RABGAP1L: variants seen among roughly 807,000 people sequenced by gnomAD.
RABGAP1L encodes RAB GTPase activating protein 1 like.
A neutral mutation model predicts 137.7 loss-of-function variants in RABGAP1L; 63 were observed. That is an observed-to-expected ratio of 0.46 (90% CI 0.37 to 0.56). RABGAP1L has a LOEUF of 0.56. Ranked by LOEUF, RABGAP1L falls within the 20% of genes least tolerant of loss-of-function variation. The pLI, the probability that RABGAP1L is intolerant of heterozygous loss-of-function variation, is 0.00. For missense variants in RABGAP1L, 1,095 were observed against 1,244.0 expected (o/e 0.88, Z 1.80); for synonymous variants, 431 against 433.7 (o/e 0.99, Z 0.08).
intron 19 of RABGAP1L, among the ~76,000 whole-genome samples, chr1:174,929,078 G>T (rs760453347): frequency 6.6e-6 from 1 of 152,006 alleles, no homozygotes. Flanking sequence ...GGGTGGGGCT[G>T]GGGGGAGGGA....
chr1:174,224,645 A>T (rs1053782974), intron 3 of RABGAP1L, among the ~76,000 whole-genome samples: 5 of 152,030 alleles, frequency 3.3e-5, no homozygotes, highest in Non-Finnish European at 4.4e-5. Flanking sequence ...TGTCTGCAGG[A>T]TGTGTATTAA....
intron 19 of RABGAP1L, among the ~76,000 whole-genome samples, chr1:174,914,152 T>C (rs765420006): frequency 9.2e-5 from 14 of 152,174 alleles, no homozygotes; most frequent in Non-Finnish European, 1.9e-4. Flanking sequence ...GATTGCATTA[T>C]CCTAAAATCC....
intron 6 of RABGAP1L, 61 bp downstream of exon 6, chr1:174,250,693 T>C: frequency 6.8e-7 from 1 of 1,461,412 alleles, no homozygotes; most frequent in African/African-American, 1.4e-5. Flanking sequence ...TAGGCGCATA[T>C]AAAGTTTCAA....
chr1:174,729,291 T>G (rs1356725705), intron 17 of RABGAP1L, among the ~76,000 whole-genome samples: 1 of 152,194 alleles, frequency 6.6e-6, no homozygotes, highest in Admixed American at 6.5e-5. Flanking sequence ...AGAATGAAAC[T>G]GGACCCCTAC....
At chr1:174,599,333 T>C (rs1572456962) in intron 13 of RABGAP1L, among the ~76,000 whole-genome samples, 1 of 152,372 alleles carries the variant, frequency 6.6e-6, no homozygotes, top group East Asian at 1.9e-4. Flanking sequence ...TTGATAGTTT[T>C]ATCTTTTGAT....
chr1:174,640,987 T>A (rs1381569343), intron 14 of RABGAP1L, among the ~76,000 whole-genome samples: 1 of 30,254 alleles, frequency 3.3e-5, no homozygotes, highest in Non-Finnish European at 5.0e-5. Flanking sequence ...TTAAATATAA[T>A]TTTAGATTAT....
intron 18 of RABGAP1L, among the ~76,000 whole-genome samples, chr1:174,763,694 C>T (rs372433254): frequency 8.8e-6 from 1 of 113,196 alleles, no homozygotes; most frequent in Admixed American, 1.1e-4. Flanking sequence ...AAAAATTAGC[C>T]AGGCGTGGTG....
Position 174,699,628 on chromosome 1 carries a change from A to G in RABGAP1L, c.2003A>G (p.Tyr668Cys). 1 of 1,608,084 alleles carries G rather than the reference A, an allele frequency of 6.2e-7. No homozygotes were observed. Among genetic ancestry groups the G allele is most frequent in the Non-Finnish European group, 8.5e-7 (1 of 1,174,696 alleles). The part of the protein sequence containing the change: ...NNFEDLHCKF[Y>C]QLERLMQEQL... ...TTCGAAGATCTTCATTGCAAATTCT[A>G]CCAGTTGGAGAGACTAATGCAGGTA... is the stretch of plus-strand genomic sequence containing the variant. The change falls in exon 16 of 26, where the codon TAC becomes TGC. Residue 668 changes from tyrosine to cysteine, a missense_variant. Coordinates refer to ENST00000681986, the MANE Select transcript of RABGAP1L (RefSeq NM_001366446.1).
chr1:174,788,447 C>G (rs992878999), intron 18 of RABGAP1L, among the ~76,000 whole-genome samples: 3 of 152,180 alleles, frequency 2.0e-5, no homozygotes, highest in African/African-American at 7.2e-5. Flanking sequence ...CTTTGTGGTA[C>G]TTCTTATATT....
chr1:174,703,958 G>A (rs1175528826), intron 17 of RABGAP1L, among the ~76,000 whole-genome samples: 1 of 151,990 alleles, frequency 6.6e-6, no homozygotes, highest in Non-Finnish European at 1.5e-5. Context: ...TCATTGAGTT[G>A]TTTAAAGATT....
intron 13 of RABGAP1L, among the ~76,000 whole-genome samples, chr1:174,476,093 C>T (rs1340643123): frequency 6.6e-6 from 1 of 152,058 alleles, no homozygotes; most frequent in East Asian, 1.9e-4. Context: ...TTAATTCTTA[C>T]TTTTTCCATG....
intron 21 of RABGAP1L, among the ~76,000 whole-genome samples, chr1:174,975,541 T>C (rs1363088266): frequency 1.3e-5 from 2 of 152,184 alleles, no homozygotes; most frequent in African/African-American, 4.8e-5. Flanking sequence ...AGTGGCCATG[T>C]GGGCAGGTTT....
intron 10 of RABGAP1L, among the ~76,000 whole-genome samples, chr1:174,299,876 A>G (rs1023309331): frequency 1.4e-4 from 22 of 152,206 alleles, no homozygotes; most frequent in African/African-American, 5.1e-4. Flanking sequence ...AGCGACTGTT[A>G]AAGTTCTATA....
At position 174,776,522 on chromosome 1, in the gene RABGAP1L, GC is replaced by G. The variant is rs1202479510; in HGVS notation, c.2211+24170del. ...GATCAAACAAATGACTCTTTTTTAGGCCAATTTTGATTTCTTTTGGGAAATA... is the reference window on the plus strand; with the variant it reads ...GATCAAACAAATGACTCTTTTTTAGGCAATTTTGATTTCTTTTGGGAAATA... On this transcript the variant is annotated intron_variant, in intron 18 of 25. Coordinates refer to ENST00000681986, the MANE Select transcript of RABGAP1L (RefSeq NM_001366446.1). Among the ~76,000 whole-genome samples, 8 of 152,256 alleles carry G rather than the reference GC, an allele frequency of 5.3e-5. No homozygotes were observed. The South Asian group carries it at 1.0e-3, about 20-fold the overall frequency.
At chr1:174,937,288 T>A (rs1665002520) in intron 19 of RABGAP1L, among the ~76,000 whole-genome samples, 1 of 146,814 alleles carries the variant, frequency 6.8e-6, no homozygotes, top group African/African-American at 2.6e-5. Flanking sequence ...CAAGATTAAT[T>A]TTTTTTTCTT....
At chr1:174,455,672 C>A (rs1655963070) in intron 13 of RABGAP1L, among the ~76,000 whole-genome samples, 1 of 152,004 alleles carries the variant, frequency 6.6e-6, no homozygotes, top group Non-Finnish European at 1.5e-5. Flanking sequence ...GAAATAACAT[C>A]TTCACAATTA....
rs557296206 is a variant in RABGAP1L, at chr1:174,607,356, C to T, written c.1711-30019C>T. Reference sequence around the variant, plus strand: ...TTGCCAAAGTTGCCTTCAGTCTCTACGGGCAGTGGTCCTGTGGTGTTGCAA... The same window carrying T: ...TTGCCAAAGTTGCCTTCAGTCTCTATGGGCAGTGGTCCTGTGGTGTTGCAA... On this transcript the variant is annotated intron_variant, in intron 13 of 25. Coordinates refer to ENST00000681986, the MANE Select transcript of RABGAP1L (RefSeq NM_001366446.1). 1.9e-4 allele frequency among the ~76,000 whole-genome samples: 29 copies of T among 152,264 alleles called. No homozygotes were observed. In the South Asian group the frequency reaches 4.1e-3, roughly 22 times the overall value.
intron 13 of RABGAP1L, among the ~76,000 whole-genome samples, chr1:174,578,183 GT>G (rs1329596564): frequency 2.6e-5 from 4 of 151,994 alleles, no homozygotes; most frequent in African/African-American, 4.8e-5. Flanking sequence ...GTGAAACTAG[GT>G]TTTTTTCTTT....
chr1:174,667,896 A>T (rs903332178), intron 14 of RABGAP1L, among the ~76,000 whole-genome samples: 2 of 152,158 alleles, frequency 1.3e-5, no homozygotes, highest in African/African-American at 4.8e-5. Context: ...ATGCCTTACT[A>T]AGCACAGTGT....
Sources: allele counts gnomAD v4.1 joint callset (sites outside exome capture counted in the v4.1 genomes callset), GRCh38; gene constraint gnomAD v4.1.1; transcripts MANE v1.5; gene names NCBI Gene and HGNC (gene_info 2026-07-23, HGNC 2026-07-21).